Variants in STRN observed in about 807,000 individuals in gnomAD.
STRN encodes the protein striatin, also known as protein phosphatase 2 regulatory subunit B'''alpha.
Under a neutral mutation model 96.3 loss-of-function variants are expected in STRN, and 53 were observed. The observed-to-expected ratio is 0.55, with a 90% CI of 0.44 to 0.69. The LOEUF (loss-of-function observed/expected upper bound fraction) is 0.69, where lower values mean the gene tolerates loss of function less well. Ranked by LOEUF, STRN falls within the 30% of genes least tolerant of loss-of-function variation. STRN has a pLI of 0.00. For synonymous variants in STRN, 428 were observed against 355.9 expected (o/e 1.20, Z -2.28); for missense variants, 987 against 963.9 (o/e 1.02, Z -0.32).
intron 1 of STRN, among the ~76,000 whole-genome samples, chr2:36,954,186 T>C (rs1367762446): frequency 6.6e-6 from 1 of 152,004 alleles, no homozygotes; most frequent in Admixed American, 6.6e-5. Flanking sequence ...ATACAGAACT[T>C]AGTTAAGCTA....
rs143557320 is a variant in STRN at position 36,859,088 on chromosome 2, T to G, written c.1670-1065A>C. ...TATTACTGGAGTGTGGACTTTGAAA[T>G]AGGAAGTAGATGGGATGAGGGCATC... On this transcript the variant is annotated intron_variant, in intron 13 of 17. Coordinates refer to ENST00000263918, the MANE Select transcript of STRN (RefSeq NM_003162.4). Among the ~76,000 whole-genome samples the G allele has an allele frequency of 1.2e-4, 19 of 152,288 alleles. No homozygotes were observed. In the East Asian group the frequency reaches 3.5e-3, roughly 28 times the overall value.
At position 36,956,634 on chromosome 2, in the gene STRN, C is replaced by T. The variant is rs1664895406; in HGVS notation, c.234+9596G>A. 2.0e-5 allele frequency among the ~76,000 whole-genome samples: 3 copies of T among 152,210 alleles called. No individual in the cohort carries two copies. In the South Asian group the frequency reaches 6.2e-4, roughly 32 times the overall value. ...CCAGATTATCTGAACTTTCAAACACCTTTCATTGACTGCATAGCAAAGGGT... is the reference window on the plus strand; with the variant it reads ...CCAGATTATCTGAACTTTCAAACACTTTTCATTGACTGCATAGCAAAGGGT... On this transcript the variant is annotated intron_variant, in intron 1 of 17. Coordinates refer to ENST00000263918, the MANE Select transcript of STRN (RefSeq NM_003162.4).
At chr2:36,875,375 G>A (rs750679603) in intron 10 of STRN, among the ~76,000 whole-genome samples, 6 of 151,532 alleles carry the variant, frequency 4.0e-5, no homozygotes, top group Non-Finnish European at 8.8e-5. Context: ...GCATGGTGGT[G>A]CACACCTATG....
At chr2:36,915,024 C>T (rs1416999369) in intron 3 of STRN, among the ~76,000 whole-genome samples, 1 of 150,888 alleles carries the variant, frequency 6.6e-6, no homozygotes, top group Non-Finnish European at 1.5e-5. Context: ...GGTGAAACCC[C>T]GTCTCTATTA....
chr2:36,921,476 T>C (rs1185785128), intron 2 of STRN, among the ~76,000 whole-genome samples: 1 of 152,210 alleles, frequency 6.6e-6, no homozygotes, highest in Non-Finnish European at 1.5e-5. Flanking sequence ...ATACTGATGA[T>C]TCCCAAGCAT....
intron 1 of STRN, among the ~76,000 whole-genome samples, chr2:36,951,467 A>G (rs1197476168): frequency 6.6e-6 from 1 of 152,244 alleles, no homozygotes; most frequent in Non-Finnish European, 1.5e-5. Context: ...CAAAAGGGAC[A>G]GATACACTGC....
chr2:36,859,663 T>G (rs927131330), intron 13 of STRN, among the ~76,000 whole-genome samples: 1 of 152,160 alleles, frequency 6.6e-6, no homozygotes, highest in African/African-American at 2.4e-5. Context: ...TGCAAAAAGT[T>G]AGGGTCTGGG....
chr2:36,856,472 T>C (rs1668344327), intron 14 of STRN, among the ~76,000 whole-genome samples: 1 of 152,064 alleles, frequency 6.6e-6, no homozygotes, highest in African/African-American at 2.4e-5. Flanking sequence ...AAAGAAATAA[T>C]TGATATAACA....
intron 14 of STRN, 63 bp downstream of exon 14, chr2:36,857,793 G>C: frequency 1.5e-6 from 2 of 1,346,184 alleles, no homozygotes; most frequent in Non-Finnish European, 2.0e-6. Flanking sequence ...TTATCTGCTT[G>C]CTTATTTTCA....
intron 6 of STRN, among the ~76,000 whole-genome samples, chr2:36,897,525 T>C (rs1669575282): frequency 6.6e-6 from 1 of 151,534 alleles, no homozygotes; most frequent in Non-Finnish European, 1.5e-5. Flanking sequence ...AAGCTCTGCC[T>C]CCTGGGTTCA....
chr2:36,966,128 G>A (rs1665153670), intron 1 of STRN, 102 bp downstream of exon 1: 1 of 1,303,136 alleles, frequency 7.7e-7, no homozygotes, highest in Non-Finnish European at 9.9e-7. Context: ...AGCAAAGGGG[G>A]AGGGGACGCG....
intron 1 of STRN, among the ~76,000 whole-genome samples, chr2:36,931,365 G>A (rs1670570460): frequency 6.6e-6 from 1 of 152,070 alleles, no homozygotes; most frequent in South Asian, 2.1e-4. Flanking sequence ...GAGAATATAG[G>A]AAAAACAAAT....
intron 3 of STRN, among the ~76,000 whole-genome samples, chr2:36,912,998 T>G (rs1161387309): frequency 1.3e-5 from 2 of 152,186 alleles, no homozygotes; most frequent in Non-Finnish European, 2.9e-5. Context: ...AAAATCAAAT[T>G]TATGTATATA....
chr2:36,861,136 A>AAT lies in STRN; in HGVS notation c.1664_1665insAT (p.Tyr556PhefsTer12). The AAT allele has an allele frequency of 6.2e-7, 1 of 1,613,550 alleles. No individual in the cohort carries two copies. Among genetic ancestry groups the AAT allele is most frequent in the Non-Finnish European group, 8.5e-7 (1 of 1,179,854 alleles). The stretch of plus-strand genomic sequence containing the variant: ...GATCTTTGGGAAATCACCTACCATA[A>AAT]GAATCATAGGGGTCGATGTTGGGAT... On this transcript the variant is annotated frameshift_variant, in exon 13 of 18. Coordinates refer to ENST00000263918, the MANE Select transcript of STRN (RefSeq NM_003162.4). LOFTEE classifies it high-confidence loss of function.
At chr2:36,866,605 TG>T (rs1242136768) in intron 12 of STRN, among the ~76,000 whole-genome samples, 1 of 152,226 alleles carries the variant, frequency 6.6e-6, no homozygotes, top group Non-Finnish European at 1.5e-5. Context: ...TTTTCTGCCT[TG>T]ATGATCTAAT....
rs762697623 is a variant in STRN at position 36,902,617 on chromosome 2, G to A, written c.626C>T (p.Thr209Ile). 6.2e-7 allele frequency: 1 copy of A among 1,609,980 alleles called. No individual in the cohort carries two copies. Among genetic ancestry groups the A allele is most frequent in the South Asian group, 1.1e-5 (1 of 90,566 alleles). ...DKNQDSVVNG[T>I]EAEVKETAMI... The stretch of plus-strand genomic sequence containing the variant: ...TGCTGTCTCTTTAACTTCAGCCTCT[G>A]TGCCATTTACAACTGAGTCCTGATT... Residue 209 changes from threonine (T) to isoleucine (I), a missense_variant, in exon 5 of 18, where the codon ACA becomes ATA. Coordinates refer to ENST00000263918, the MANE Select transcript of STRN (RefSeq NM_003162.4).
intron 1 of STRN, among the ~76,000 whole-genome samples, chr2:36,955,293 T>C (rs1008860981): frequency 2.0e-5 from 3 of 152,130 alleles, no homozygotes; most frequent in African/African-American, 7.2e-5. Context: ...CTAGCCCTAA[T>C]TGATGAAACG....
chr2:36,954,412 T>G (rs1410608252), intron 1 of STRN, among the ~76,000 whole-genome samples: 1 of 150,946 alleles, frequency 6.6e-6, no homozygotes, highest in East Asian at 2.0e-4. Flanking sequence ...CTTGGGAGGC[T>G]GAGGCAGGAG....
intron 6 of STRN, among the ~76,000 whole-genome samples, chr2:36,899,242 T>A (rs552604541): frequency 6.6e-6 from 1 of 152,322 alleles, no homozygotes; most frequent in African/African-American, 2.4e-5. Flanking sequence ...CCTGCATTGT[T>A]ATAACACACA....
Sources: gnomAD v4.1 joint callset for allele counts (sites outside exome capture counted in the v4.1 genomes callset) on GRCh38, gnomAD v4.1.1 for gene constraint, MANE v1.5 for transcripts, NCBI Gene and HGNC (gene_info 2026-07-23, HGNC 2026-07-21) for gene names.